TTC39A: variants seen among roughly 807,000 people sequenced by gnomAD.
TTC39A encodes tetratricopeptide repeat protein 39A.
A neutral mutation model predicts 82.3 loss-of-function variants in TTC39A; 46 were observed. The ratio of observed to expected loss-of-function variants is 0.56; its 90% CI spans 0.44 to 0.71. The LOEUF is 0.71. TTC39A is among the 30% of genes least tolerant of loss of function. The pLI, the probability that TTC39A is intolerant of heterozygous loss-of-function variation, is 0.00. For missense variants in TTC39A, 543 were observed against 712.9 expected (o/e 0.76, Z 2.71); for synonymous variants, 254 against 275.2 (o/e 0.92, Z 0.76).
chr1:51,343,479 G>A lies in TTC39A; in HGVS notation c.53+1512C>T, dbSNP rs568581385. On this transcript the variant is annotated intron_variant, in intron 1 of 5. Transcript: ENST00000401051. ...CCTTTCTTCTCAGACACAGCTCAGG[G>A]TTTGATGTGAGCTATCCTGCCTGCA... 2.7e-3 allele frequency among the ~76,000 whole-genome samples: 408 copies of A among 152,294 alleles called. 1 individual carries two copies. The highest frequency in any genetic ancestry group is 3.9e-3 in the Non-Finnish European group (268 of 68,030).
At chr1:51,317,825 G>A (rs1194436593) in intron 2 of TTC39A, among the ~76,000 whole-genome samples, 2 of 152,200 alleles carry the variant, frequency 1.3e-5, no homozygotes, top group Non-Finnish European at 2.9e-5. Context: ...CTAAGAAACA[G>A]AAGCTGCACT....
At chr1:51,338,656 G>A (rs78002279) in intron 1 of TTC39A, among the ~76,000 whole-genome samples, 9,165 of 144,518 alleles carry the variant, frequency 0.063, 950 homozygotes, top group African/African-American at 0.22. Flanking sequence ...CAAGCTGAGC[G>A]TAGTGGTACG....
At chr1:51,304,203 T>C (rs1405202008) in intron 8 of TTC39A, among the ~76,000 whole-genome samples, 2 of 152,338 alleles carry the variant, frequency 1.3e-5, no homozygotes, top group East Asian at 3.9e-4. Context: ...CCTCGTGGTA[T>C]TTATTTTTAT....
intron 15 of TTC39A, 135 bp downstream of exon 15, chr1:51,290,379 G>A: frequency 1.2e-6 from 1 of 839,132 alleles, no homozygotes; most frequent in Non-Finnish European, 1.8e-6. Flanking sequence ...ACAGCTGCTT[G>A]GAGGAGCTCA....
rs1176526812 is a variant in TTC39A, at chr1:51,330,351, G to C, written c.41+86C>G. 2.7e-5 allele frequency: 25 copies of C among 926,150 alleles called. No individual in the cohort carries two copies. The Admixed American group carries it at 4.4e-4, about 16-fold the overall frequency. 57.4% of individuals were successfully genotyped at this position (926,150 alleles called of 1,614,324 possible). A position where few individuals can be genotyped will look rare whatever the true frequency, so the allele number is the denominator to read the frequency against. On this transcript the variant is annotated intron_variant, in intron 1 of 17. Transcript: ENST00000680483. The surrounding 1 kb of genome is among the most constrained non-coding windows in gnomAD (Gnocchi z 4.5). ...CAGTGCGGCCCCAGGCCGGTGCGCG[G>C]GGGGAGGCCTGGCGCGGCGCCCGCC...
At position 51,312,237 on chromosome 1, in the gene TTC39A, A is replaced by G. The variant is rs545087254; in HGVS notation, c.279-42T>C. 45 of 1,552,496 alleles carry G rather than the reference A, an allele frequency of 2.9e-5. No individual in the cohort carries two copies. In the East Asian group the frequency reaches 9.9e-4, roughly 34 times the overall value. ...GGGGCCTCAGGTGAGGATTAGAGAG[A>G]GGCCACACTTGTCTCTGCCCCTCTC... is the stretch of plus-strand genomic sequence containing the variant. On this transcript the variant is annotated intron_variant, in intron 3 of 17. Transcript: ENST00000680483.
intron 5 of TTC39A, among the ~76,000 whole-genome samples, chr1:51,310,365 T>TC (rs1330901046): frequency 1.3e-5 from 2 of 152,102 alleles, no homozygotes; most frequent in African/African-American, 4.8e-5. Context: ...CAGTGTTCTG[T>TC]CCTCCAGTCG....
chr1:51,295,888 CCAG>C (rs751822384), intron 13 of TTC39A, 188 bp downstream of exon 13: 5 of 622,928 alleles, frequency 8.0e-6, no homozygotes, highest in East Asian at 2.8e-5. Context: ...GCTCCAACCA[CCAG>C]CAGCAGCAGC....
At chr1:51,330,637 T>C, upstream of TTC39A, 1 of 982,824 alleles carries the variant, frequency 1.0e-6, no homozygotes, top group Non-Finnish European at 1.2e-6. The surrounding 1 kb of genome is among the most constrained non-coding windows in gnomAD (Gnocchi z 4.5). Context: ...CGAGCCTCGG[T>C]CTCCCCACCC....
intron 7 of TTC39A, 92 bp from the exon 8 acceptor site, chr1:51,305,238 T>C (rs754859544): frequency 1.5e-6 from 2 of 1,311,428 alleles, no homozygotes; most frequent in Non-Finnish European, 2.2e-6. Context: ...TAACAGGCTT[T>C]ACCTGGAGGG....
intron 6 of TTC39A, among the ~76,000 whole-genome samples, chr1:51,308,852 A>G (rs1261046150): frequency 6.6e-5 from 10 of 152,206 alleles, no homozygotes; most frequent in Non-Finnish European, 1.3e-4. Flanking sequence ...CCTTTCCTGT[A>G]TACTAGAGGG....
At position 51,290,452 on chromosome 1, in the gene TTC39A, G is replaced by A. The variant is rs1644164854; in HGVS notation, c.1378+62C>T. On this transcript the variant is annotated intron_variant, in intron 15 of 17. Transcript: ENST00000680483. Reference sequence around the variant, plus strand: ...AGGAGGAAGGACATTTTTGGCAGAGGGAAGCTTCAGCTGTAAAGACCTGAC... The same window carrying A: ...AGGAGGAAGGACATTTTTGGCAGAGAGAAGCTTCAGCTGTAAAGACCTGAC... 10 of 1,459,910 alleles carry A rather than the reference G, an allele frequency of 6.8e-6. No individual in the cohort carries two copies. In the South Asian group the frequency reaches 8.7e-5, roughly 13 times the overall value. 90.4% of individuals were successfully genotyped at this position (1,459,910 alleles called of 1,614,324 possible). A position where few individuals can be genotyped will look rare whatever the true frequency, so the allele number is the denominator to read the frequency against.
upstream of TTC39A, among the ~76,000 whole-genome samples, chr1:51,335,962 T>C (rs1645969318): frequency 6.6e-6 from 1 of 152,112 alleles, no homozygotes; most frequent in South Asian, 2.1e-4. Context: ...TTTGGGTGAC[T>C]CCTTCCCCCT....
chr1:51,327,989 G>T (rs1036836402), intron 1 of TTC39A, among the ~76,000 whole-genome samples: 1 of 152,102 alleles, frequency 6.6e-6, no homozygotes, highest in Non-Finnish European at 1.5e-5. Context: ...GAGCAACTGC[G>T]TGCGGCTTTA....
chr1:51,314,846 A>G (rs1001228378), intron 2 of TTC39A, among the ~76,000 whole-genome samples: 2 of 152,176 alleles, frequency 1.3e-5, no homozygotes, highest in African/African-American at 2.4e-5. Flanking sequence ...GGAAAACCTT[A>G]ACTCTTCTCC....
At chr1:51,290,156 T>A in intron 15 of TTC39A, 37 bp from the exon 16 acceptor site, 1 of 1,591,848 alleles carries the variant, frequency 6.3e-7, no homozygotes, top group Non-Finnish European at 8.6e-7. Flanking sequence ...GACAGACTTG[T>A]TCATTTCTGC....
At chr1:51,296,026 CGGCCTACACGGTGGGAGT>C (rs1230996102) in intron 13 of TTC39A, 35 bp downstream of exon 13, 27 of 1,536,840 alleles carry the variant, frequency 1.8e-5, no homozygotes, top group Non-Finnish European at 2.3e-5. Context: ...CTGTCCATAG[CGGCCTACACGGTGGGAGT>C]GGCCTACACA....
intron 1 of TTC39A, among the ~76,000 whole-genome samples, chr1:51,325,333 G>A (rs558451560): frequency 6.6e-6 from 1 of 152,076 alleles, no homozygotes; most frequent in East Asian, 1.9e-4. Context: ...TAGGGTAAAG[G>A]CCAAGTTCCT....
chr1:51,304,801 G>A (rs994334760), intron 8 of TTC39A, among the ~76,000 whole-genome samples: 1 of 152,212 alleles, frequency 6.6e-6, no homozygotes, highest in African/African-American at 2.4e-5. Context: ...GTCAGGCTCA[G>A]AGAATGTGTG....
Sources: allele counts gnomAD v4.1 joint callset (sites outside exome capture counted in the v4.1 genomes callset), GRCh38; gene constraint gnomAD v4.1.1; non-coding constraint Gnocchi (gnomAD v3.1); transcripts MANE v1.5; gene names NCBI Gene and HGNC (gene_info 2026-07-23, HGNC 2026-07-21).